The following NCKAP1 variants were observed in gnomAD, a reference collection of about 807,000 sequenced individuals.
NCKAP1 encodes NCK associated protein 1.
NCKAP1 carries 21 observed loss-of-function variants against 151.2 expected under a neutral mutation model. The observed-to-expected ratio is 0.14, with a 90% CI of 0.10 to 0.20. The LOEUF (loss-of-function observed/expected upper bound fraction) is 0.20. Among genes scored for constraint, NCKAP1 ranks in the 10% least tolerant of loss-of-function variants. The pLI is 1.00. For synonymous variants in NCKAP1, 484 were observed against 451.8 expected, an observed-to-expected ratio of 1.07 and a Z score of -0.90; for missense variants, 933 against 1,352.1, an observed-to-expected ratio of 0.69 and a Z score of 4.86.
At chr2:182,948,092 AATG>A (rs1697144192) in intron 23 of NCKAP1, among the ~76,000 whole-genome samples, 1 of 152,124 alleles carries the variant, frequency 6.6e-6, no homozygotes, top group Non-Finnish European at 1.5e-5. Context: ...TGAAGAACTA[AATG>A]ATGAAGGCAC....
intron 20 of NCKAP1, 84 bp downstream of exon 20, chr2:182,956,378 G>C: frequency 6.7e-7 from 1 of 1,494,038 alleles, no homozygotes; most frequent in Non-Finnish European, 9.2e-7. Flanking sequence ...TTCTACTAAT[G>C]CTTTTCCTTA....
chr2:183,002,952 T>C (rs202126511), intron 4 of NCKAP1, 22 bp downstream of exon 4: 229 of 1,586,472 alleles, frequency 1.4e-4, no homozygotes, highest in Admixed American at 5.1e-5. Context: ...TAATTGGACA[T>C]TTTTCTGAAA....
chr2:182,982,236 G>A (rs1423451203), intron 12 of NCKAP1, among the ~76,000 whole-genome samples: 1 of 152,008 alleles, frequency 6.6e-6, no homozygotes, highest in Non-Finnish European at 1.5e-5. Context: ...AGCATACTAC[G>A]AGAAAATAAA....
At position 182,956,400 on chromosome 2, in the gene NCKAP1, A is replaced by AACAG; in HGVS notation, c.2153+61_2153+62insCTGT. On this transcript the variant is annotated intron_variant, in intron 20 of 30. Coordinates refer to ENST00000361354, the MANE Select transcript of NCKAP1 (RefSeq NM_013436.5). ...AATGCTTTTCCTTATAAAACACTGTATAATTAAATAACAAACTCATTACTG... is the reference window on the plus strand; with the variant it reads ...AATGCTTTTCCTTATAAAACACTGTAACAGTAATTAAATAACAAACTCATTACTG... The AACAG allele has an allele frequency of 2.6e-6, 4 of 1,542,046 alleles. No homozygotes were observed. In the African/African-American group the frequency reaches 5.5e-5, roughly 21 times the overall value.
At chr2:183,002,886 T>C in intron 4 of NCKAP1, 88 bp downstream of exon 4, 1 of 896,626 alleles carries the variant, frequency 1.1e-6, no homozygotes, top group South Asian at 1.7e-5. Flanking sequence ...ATATGCTAGT[T>C]ACATAATCTA....
At chr2:182,936,042 AGCCCAG>A (rs1344158023) in intron 24 of NCKAP1, among the ~76,000 whole-genome samples, 1 of 152,052 alleles carries the variant, frequency 6.6e-6, no homozygotes, top group Admixed American at 6.5e-5. Context: ...AGATTGCTTG[AGCCCAG>A]GAGTTCACAA....
At chr2:182,957,680 C>A in intron 18 of NCKAP1, 84 bp from the exon 19 acceptor site, 4 of 1,387,920 alleles carry the variant, frequency 2.9e-6, no homozygotes, top group Non-Finnish European at 3.0e-6. Context: ...GTAGCTGAAT[C>A]CAGGCTGTGT....
intron 2 of NCKAP1, among the ~76,000 whole-genome samples, chr2:183,003,922 T>A (rs1698418086): frequency 1.1e-4 from 1 of 9,216 alleles, no homozygotes. Context: ...AAGAGGGAAA[T>A]GTTGAAAGAC....
At chr2:183,026,474 TAAAACTA>T (rs1698899699) in intron 1 of NCKAP1, among the ~76,000 whole-genome samples, 1 of 147,656 alleles carries the variant, frequency 6.8e-6, no homozygotes, top group Middle Eastern at 3.4e-3. Flanking sequence ...CTCTGTCTCT[TAAAACTA>T]AAAACTAAAA....
chr2:182,935,594 A>C, intron 24 of NCKAP1: 1 of 337,634 alleles, frequency 3.0e-6, no homozygotes, highest in Non-Finnish European at 5.2e-6. Context: ...TTTCCATCAA[A>C]TGGAGTATAT....
rs1342526470 is a variant in NCKAP1, at chr2:182,989,065, G to C, written c.912C>G (p.His304Gln). Residue 304 changes from histidine (H) to glutamine (Q), a missense_variant, in exon 9 of 31, where the codon CAC (histidine) becomes CAG (glutamine). Transcript: ENST00000361354. ...SLFRDEVFHI[H>Q]KAAEDLFVNI... ...TTACAAATAAGTCTTCTGCAGCTTT[G>C]TGAATGTGGAAAACTTCATCCCGAA... is the stretch of plus-strand genomic sequence containing the variant. 3 of 1,612,828 alleles carry C rather than the reference G, an allele frequency of 1.9e-6. No homozygotes were observed. In the African/African-American group the frequency reaches 4.0e-5, roughly 22 times the overall value.
At chr2:183,031,951 CTAAAT>C (rs990637467) in intron 1 of NCKAP1, among the ~76,000 whole-genome samples, 30 of 152,206 alleles carry the variant, frequency 2.0e-4, no homozygotes, top group African/African-American at 6.5e-4. Flanking sequence ...ACCCAGACAA[CTAAAT>C]TAAATCACCA....
chr2:182,930,657 TTAAC>T (rs1696744602), intron 27 of NCKAP1, 34 bp downstream of exon 27: 3 of 1,530,228 alleles, frequency 2.0e-6, no homozygotes, highest in African/African-American at 2.7e-5. Context: ...CCTGGTAACT[TTAAC>T]TAAGAGTATT....
intron 6 of NCKAP1, among the ~76,000 whole-genome samples, chr2:182,998,840 A>G (rs1698323675): frequency 2.1e-5 from 3 of 143,614 alleles, no homozygotes; most frequent in Non-Finnish European, 4.5e-5. Flanking sequence ...CCAACAAAAA[A>G]AAAAAAAAAA....
chr2:182,975,977 TC>T (rs1697815068), intron 15 of NCKAP1, among the ~76,000 whole-genome samples: 1 of 152,156 alleles, frequency 6.6e-6, no homozygotes, highest in Non-Finnish European at 1.5e-5. Flanking sequence ...CATAGTACTA[TC>T]TAATTTACTT....
chr2:182,930,137 C>G (rs555639990), intron 27 of NCKAP1, among the ~76,000 whole-genome samples: 17 of 152,006 alleles, frequency 1.1e-4, no homozygotes, highest in Non-Finnish European at 2.1e-4. Context: ...TCTTTGCTTC[C>G]CTTTACAATA....
At chr2:182,988,101 A>C (rs938803667) in intron 9 of NCKAP1, among the ~76,000 whole-genome samples, 1 of 152,196 alleles carries the variant, frequency 6.6e-6, no homozygotes, top group East Asian at 1.9e-4. Flanking sequence ...AGATTCCTTT[A>C]ACCTCTCCAA....
chr2:182,992,214 G>C (rs537634507), intron 8 of NCKAP1, among the ~76,000 whole-genome samples: 7 of 152,274 alleles, frequency 4.6e-5, no homozygotes, highest in African/African-American at 1.7e-4. Context: ...ATCCTAGTCT[G>C]GGTAGTAGTT....
intron 15 of NCKAP1, 136 bp from the exon 16 acceptor site, chr2:182,967,497 T>A: frequency 1.4e-6 from 1 of 732,434 alleles, no homozygotes; most frequent in Non-Finnish European, 2.2e-6. Flanking sequence ...TCTACTGTGT[T>A]AGTTGTCTGT....
Sources: allele counts gnomAD v4.1 joint callset (sites outside exome capture counted in the v4.1 genomes callset), GRCh38; gene constraint gnomAD v4.1.1; transcripts MANE v1.5; gene names NCBI Gene and HGNC (gene_info 2026-07-23, HGNC 2026-07-21).